Variants in GNAS observed in about 807,000 individuals in gnomAD.
GNAS encodes GNAS complex locus.
A neutral mutation model predicts 54.5 loss-of-function variants in GNAS; 8 were observed. The ratio of observed to expected loss-of-function variants is 0.15; its 90% CI spans 0.09 to 0.26. The LOEUF (loss-of-function observed/expected upper bound fraction) is 0.26, where lower values mean the gene tolerates loss of function less well. Among genes scored for constraint, GNAS ranks in the 10% least tolerant of loss-of-function variants. GNAS has a pLI of 1.00. For missense variants in GNAS, 170 were observed against 529.8 expected (o/e 0.32, Z 6.67); for synonymous variants, 204 against 191.4 (o/e 1.07, Z -0.54).
intron 1 of GNAS, among the ~76,000 whole-genome samples, chr20:58,872,725 G>A (rs1309920461): frequency 6.6e-6 from 1 of 151,982 alleles, no homozygotes; most frequent in Non-Finnish European, 1.5e-5. Context: ...GGACAAGGTT[G>A]ATTGCTCTGT....
chr20:58,902,817 C>T (rs568097056), intron 3 of GNAS, among the ~76,000 whole-genome samples: 10 of 141,568 alleles, frequency 7.1e-5, no homozygotes, highest in South Asian at 2.4e-4. Flanking sequence ...CTGCAACCTC[C>T]GCCTCCCGGG....
chr20:58,885,081 T>G (rs968281653), intron 1 of GNAS: 1 of 152,256 alleles, frequency 6.6e-6, no homozygotes, highest in Admixed American at 6.5e-5. Context: ...GTAATACATG[T>G]CATCTCTTTT....
intron 1 of GNAS, among the ~76,000 whole-genome samples, chr20:58,876,212 A>T (rs1025232229): frequency 6.6e-6 from 1 of 152,186 alleles, no homozygotes; most frequent in African/African-American, 2.4e-5. Context: ...GGCCTTTCTG[A>T]GATGCGTGAT....
chr20:58,863,528 CTG>C lies in GNAS; in HGVS notation c.43+22649_43+22650del, dbSNP rs1248276285. Reference sequence around the variant, plus strand: ...TGTTTCCGACATTGTCACACACACACTGTGTGTGGGACAGAGTAAGTACTTTT... The same window carrying C: ...TGTTTCCGACATTGTCACACACACACTGTGTGGGACAGAGTAAGTACTTTT... On this transcript the variant is annotated intron_variant, in intron 1 of 12. Coordinates refer to the GNAS transcript ENST00000306090. This position sits in a 1 kb window ranked among gnomAD's most constrained non-coding sequence, Gnocchi z 4.1. 2.6e-5 allele frequency: 4 copies of C among 152,124 alleles called. No homozygotes were observed. The highest frequency in any genetic ancestry group is 6.5e-5 in the Admixed American group (1 of 15,274). 9.4% of individuals were successfully genotyped at this position (152,124 alleles called of 1,614,324 possible).
chr20:58,865,056 A>T (rs2086976545), intron 1 of GNAS, among the ~76,000 whole-genome samples: 1 of 152,096 alleles, frequency 6.6e-6, no homozygotes, highest in South Asian at 2.1e-4. Context: ...TACTGCCCTA[A>T]CATCATCAGT....
intron 1 of GNAS, among the ~76,000 whole-genome samples, chr20:58,871,637 C>CA (rs56281960): frequency 0.35 from 20,455 of 58,442 alleles, 2,079 homozygotes; most frequent in Non-Finnish European, 0.41. Flanking sequence ...AAACAAACAA[C>CA]AAAAAAAAAA....
At chr20:58,900,332 GTC>G (rs1246961781) in intron 3 of GNAS, 1 of 269,646 alleles carries the variant, frequency 3.7e-6, no homozygotes, top group Non-Finnish European at 7.0e-6. Context: ...TGGCCTGCAC[GTC>G]TCTCTCACTC....
intron 1 of GNAS, among the ~76,000 whole-genome samples, chr20:58,843,640 T>C (rs1397904637): frequency 6.6e-6 from 1 of 152,174 alleles, no homozygotes; most frequent in Non-Finnish European, 1.5e-5. Flanking sequence ...ATATTTCAAA[T>C]GGAGGGTGAG....
Position 58,901,367 on chromosome 20 carries a change from G to A in GNAS, c.258-2164G>A, listed in dbSNP as rs116555879. ...CATACAAAGCAGACAGTCGCACAGA[G>A]CGGTCAGGACTCACTCCCTTTCACT... On this transcript the variant is annotated intron_variant, in intron 3 of 12. Transcript: ENST00000371085. Among the ~76,000 whole-genome samples, 310 of 152,298 alleles carry A rather than the reference G, an allele frequency of 2.0e-3. 1 individual carries two copies. Among genetic ancestry groups the A allele is most frequent in the Middle Eastern group, 0.017 (5 of 294 alleles).
In GNAS at chr20:58,902,715, G is replaced by A. The variant is rs139950753; in HGVS notation, c.258-816G>A. Among the ~76,000 whole-genome samples, 268 of 128,430 alleles carry A rather than the reference G, an allele frequency of 2.1e-3. 1 individual carries two copies. Among genetic ancestry groups the A allele is most frequent in the African/African-American group, 7.8e-3 (246 of 31,530 alleles). 84.3% of individuals were successfully genotyped at this position (128,430 alleles called of 152,430 possible). A position where few individuals can be genotyped will look rare whatever the true frequency, so the allele number is the denominator to read the frequency against. ...TGCTAGCTGCAGTGCCTGGAGCATC[G>A]CACATACGACTTTTTTTTTTTTTTT... On this transcript the variant is annotated intron_variant, in intron 3 of 12. Transcript: ENST00000371085.
At chr20:58,882,764 C>G (rs75803555) in intron 1 of GNAS, among the ~76,000 whole-genome samples, 9 of 152,014 alleles carry the variant, frequency 5.9e-5, no homozygotes, top group African/African-American at 1.9e-4. Context: ...AGAGATAATA[C>G]CCCCTTCCCA....
chr20:58,855,674 C>A (rs1242366961), intron 1 of GNAS: 1 of 624,698 alleles, frequency 1.6e-6, no homozygotes. Flanking sequence ...GGAGGGGCCC[C>A]GGGGCCCCGG....
In GNAS at chr20:58,863,690, T is replaced by C. The variant is rs2086890783; in HGVS notation, c.43+22804T>C. ...CGATTCTTACAAGGAAATTAAGACT[T>C]GGGCTGCAAGAGCCTCGCCTCTCTC... On this transcript the variant is annotated intron_variant, in intron 1 of 12. Transcript: ENST00000306090. This position sits in a 1 kb window ranked among gnomAD's most constrained non-coding sequence, Gnocchi z 4.1. 2.0e-5 allele frequency: 3 copies of C among 152,510 alleles called. No individual in the cohort carries two copies. Among genetic ancestry groups the C allele is most frequent in the Admixed American group, 2.0e-4 (3 of 15,276 alleles). 9.4% of individuals were successfully genotyped at this position (152,510 alleles called of 1,614,324 possible). A position where few individuals can be genotyped will look rare whatever the true frequency, so the allele number is the denominator to read the frequency against.
At chr20:58,849,251 A>G (rs1398844692) in intron 1 of GNAS, among the ~76,000 whole-genome samples, 1 of 152,174 alleles carries the variant, frequency 6.6e-6, no homozygotes, top group African/African-American at 2.4e-5. Context: ...ACCAGTGCAG[A>G]GGCTAAAACA....
Position 58,873,430 on chromosome 20 carries a change from G to A in GNAS, c.44-22182G>A, listed in dbSNP as rs73307932. Among the ~76,000 whole-genome samples, 1,562 of 152,262 alleles carry A rather than the reference G, an allele frequency of 0.01. 32 individuals are homozygous for A. Among genetic ancestry groups the A allele is most frequent in the African/African-American group, 0.035 (1,465 of 41,536 alleles). On this transcript the variant is annotated intron_variant, in intron 1 of 12. Transcript: ENST00000306090. This position sits in a 1 kb window ranked among gnomAD's most constrained non-coding sequence, Gnocchi z 4.3. ...ATGTTTGACTATTGGCAGGTCTGAG[G>A]TTTACTCATCTGTAGGTTATGTCCA...
Position 58,899,959 on chromosome 20 carries a change from C to T in GNAS, c.257+974C>T, listed in dbSNP as rs1162994751. The T allele has an allele frequency of 5.6e-6, 4 of 717,648 alleles. No individual in the cohort carries two copies. Among genetic ancestry groups the T allele is most frequent in the Admixed American group, 4.0e-5 (2 of 50,000 alleles). The allele number at this position is 717,648 out of a possible 1,614,324, so 44.5% of individuals were successfully genotyped here. A position where few individuals can be genotyped will look rare whatever the true frequency, so the allele number is the denominator to read the frequency against. ...ATCTGTTTCTTTTAGAATATAATATCCCTAGATGATGGCTACAGTTTCTCA... is the reference window on the plus strand; with the variant it reads ...ATCTGTTTCTTTTAGAATATAATATTCCTAGATGATGGCTACAGTTTCTCA... On this transcript the variant is annotated intron_variant, in intron 3 of 12. Coordinates refer to ENST00000371085, the MANE Select transcript of GNAS (RefSeq NM_000516.7).
chr20:58,870,847 G>A (rs2087395491), intron 1 of GNAS, among the ~76,000 whole-genome samples: 1 of 152,086 alleles, frequency 6.6e-6, no homozygotes, highest in Non-Finnish European at 1.5e-5. Context: ...ACTTGGCCGG[G>A]CGCCTTTTCT....
chr20:58,845,833 T>TGGC (rs2085921482), intron 1 of GNAS, among the ~76,000 whole-genome samples: 3 of 152,230 alleles, frequency 2.0e-5, no homozygotes, highest in Non-Finnish European at 2.9e-5. Context: ...GGGCCACCAT[T>TGGC]ACCTGTTGAC....
At chr20:58,847,912 A>C (rs993619644) in intron 1 of GNAS, among the ~76,000 whole-genome samples, 4 of 152,242 alleles carry the variant, frequency 2.6e-5, no homozygotes, top group Non-Finnish European at 5.9e-5. Context: ...CGTTGAATAC[A>C]TATGCCATGA....
Sources: gnomAD v4.1 joint callset for allele counts (sites outside exome capture counted in the v4.1 genomes callset) on GRCh38, gnomAD v4.1.1 for gene constraint, Gnocchi (gnomAD v3.1) non-coding constraint, MANE v1.5 for transcripts, NCBI Gene and HGNC (gene_info 2026-07-23, HGNC 2026-07-21) for gene names.